SLC17A6: variants seen among roughly 807,000 people sequenced by gnomAD.
SLC17A6 encodes the protein solute carrier family 17 member 6, also known as vesicular glutamate transporter 2.
Under a neutral mutation model 67.1 loss-of-function variants are expected in SLC17A6, and 35 were observed. The observed-to-expected ratio is 0.52, with a 90% CI of 0.40 to 0.69. The LOEUF (loss-of-function observed/expected upper bound fraction) is 0.69, where lower values mean the gene tolerates loss of function less well. SLC17A6 is among the 30% of genes least tolerant of loss of function. SLC17A6 has a pLI of 0.00. For synonymous variants in SLC17A6, 285 were observed against 252.3 expected (o/e 1.13, Z -1.23); for missense variants, 588 against 723.9 (o/e 0.81, Z 2.15).
At chr11:22,338,655 A>C (rs530110393) in intron 1 of SLC17A6, 36 bp downstream of exon 1, 1 of 1,505,516 alleles carries the variant, frequency 6.6e-7, no homozygotes, top group South Asian at 1.1e-5. Context: ...CCTGGGGCTC[A>C]GCATGAAAAA....
rs1403247246 is a variant in SLC17A6 at position 22,362,829 on chromosome 11, T to A, written c.748+4T>A. On this transcript the variant is annotated splice_donor_region_variant and intron_variant, in intron 6 of 11. Coordinates refer to ENST00000263160, the MANE Select transcript of SLC17A6 (RefSeq NM_020346.3). ...TCTTCAGTGTTTTATGTCTACGGTA[T>A]GTTATATTTCTATGCAATAGAGTTA... 6.2e-7 allele frequency: 1 copy of A among 1,611,532 alleles called. No homozygotes were observed. The highest frequency in any genetic ancestry group is 1.1e-5 in the South Asian group (1 of 91,028).
At chr11:22,355,155 G>A (rs1855982365) in intron 3 of SLC17A6, among the ~76,000 whole-genome samples, 1 of 152,162 alleles carries the variant, frequency 6.6e-6, no homozygotes, top group Non-Finnish European at 1.5e-5. Context: ...ATGAGGAACA[G>A]AAAGTTACAT....
chr11:22,345,823 GA>G (rs1855869584), intron 3 of SLC17A6, among the ~76,000 whole-genome samples: 1 of 151,866 alleles, frequency 6.6e-6, no homozygotes, highest in Admixed American at 6.6e-5. Context: ...ACATTAGTAA[GA>G]AAAAAATTAT....
intron 9 of SLC17A6, among the ~76,000 whole-genome samples, chr11:22,375,110 T>G (rs1367811277): frequency 1.3e-5 from 2 of 152,104 alleles, no homozygotes; most frequent in Non-Finnish European, 2.9e-5. Context: ...CGGTGGCTCA[T>G]GCCTGTAATC....
chr11:22,362,688 T>C, intron 5 of SLC17A6, 51 bp from the exon 6 acceptor site: 2 of 1,440,178 alleles, frequency 1.4e-6, no homozygotes, highest in South Asian at 1.1e-5. Context: ...ATGATATCAA[T>C]AATTTCTACT....
intron 7 of SLC17A6, among the ~76,000 whole-genome samples, chr11:22,367,922 A>G (rs1034956966): frequency 6.6e-6 from 1 of 152,188 alleles, no homozygotes; most frequent in Non-Finnish European, 1.5e-5. Context: ...TAGAACTTGC[A>G]TTTTAGTTAA....
At chr11:22,369,196 G>A (rs767463150) in intron 7 of SLC17A6, among the ~76,000 whole-genome samples, 7 of 151,982 alleles carry the variant, frequency 4.6e-5, no homozygotes, top group Non-Finnish European at 1.0e-4. Flanking sequence ...TAGGGAATAT[G>A]AGAGATATTT....
intron 8 of SLC17A6, among the ~76,000 whole-genome samples, chr11:22,372,390 A>T (rs1276405581): frequency 1.3e-5 from 2 of 150,312 alleles, no homozygotes; most frequent in African/African-American, 4.9e-5. Context: ...ACACACATAC[A>T]CATATATATA....
chr11:22,349,670 C>A (rs1240807499), intron 3 of SLC17A6, among the ~76,000 whole-genome samples: 3 of 152,170 alleles, frequency 2.0e-5, no homozygotes, highest in Non-Finnish European at 4.4e-5. Context: ...GATGCTCCTA[C>A]TGCCATATGC....
intron 8 of SLC17A6, among the ~76,000 whole-genome samples, chr11:22,373,599 G>A (rs533782536): frequency 2.2e-4 from 33 of 152,122 alleles, no homozygotes; most frequent in Admixed American, 5.2e-4. Context: ...CCTTCTCATG[G>A]CAGTGGTGCT....
chr11:22,370,219 G>T (rs1158679426), intron 8 of SLC17A6, 31 bp downstream of exon 8: 6 of 1,553,448 alleles, frequency 3.9e-6, no homozygotes, highest in Non-Finnish European at 5.2e-6. Context: ...TATAAATTGT[G>T]GATTACCTGT....
At chr11:22,344,467 G>A (rs187724242) in intron 3 of SLC17A6, among the ~76,000 whole-genome samples, 1 of 152,270 alleles carries the variant, frequency 6.6e-6, no homozygotes, top group Non-Finnish European at 1.5e-5. Context: ...AGAGTCCTCA[G>A]GGCCTGGGGA....
intron 7 of SLC17A6, among the ~76,000 whole-genome samples, chr11:22,367,079 G>A (rs571847427): frequency 3.3e-5 from 5 of 151,280 alleles, no homozygotes; most frequent in South Asian, 2.1e-4. Context: ...GGCATTAGGC[G>A]ATCTGATCAA....
chr11:22,358,598 G>A (rs879922814), intron 3 of SLC17A6, among the ~76,000 whole-genome samples: 8 of 152,300 alleles, frequency 5.3e-5, no homozygotes, highest in Admixed American at 5.2e-4. Flanking sequence ...CCGAAGAAGT[G>A]CTGGGGTTTA....
chr11:22,360,461 A>C (rs1258758226), intron 4 of SLC17A6, among the ~76,000 whole-genome samples: 2 of 151,868 alleles, frequency 1.3e-5, no homozygotes, highest in Non-Finnish European at 2.9e-5. Flanking sequence ...CATATCCTGC[A>C]CATGTACCCC....
chr11:22,367,367 A>G (rs1856125027), intron 7 of SLC17A6, among the ~76,000 whole-genome samples: 1 of 152,164 alleles, frequency 6.6e-6, no homozygotes, highest in African/African-American at 2.4e-5. Flanking sequence ...TATATAATTC[A>G]GAAGTTAAAC....
chr11:22,343,472 C>T lies in SLC17A6; in HGVS notation c.458+107C>T, dbSNP rs938447317. On this transcript the variant is annotated intron_variant, in intron 3 of 11. Coordinates refer to ENST00000263160, the MANE Select transcript of SLC17A6 (RefSeq NM_020346.3). ...CAGCCCAGAGGGGTTTGAGGACTCC[C>T]GGGCGAAGTCTTCTAGTCCCTTGAC... 5.7e-6 allele frequency: 5 copies of T among 883,326 alleles called. No homozygotes were observed. The Admixed American group carries it at 7.7e-5, about 14-fold the overall frequency. 54.7% of individuals were successfully genotyped at this position (883,326 alleles called of 1,614,324 possible).
chr11:22,345,831 T>C (rs751631570), intron 3 of SLC17A6, among the ~76,000 whole-genome samples: 5 of 151,994 alleles, frequency 3.3e-5, no homozygotes, highest in Admixed American at 6.6e-5. Context: ...AAGAAAAAAA[T>C]TATAAAAATG....
chr11:22,379,004 G>C lies in SLC17A6; in HGVS notation c.*1264G>C, dbSNP rs534428615. 2 of 152,460 alleles carry C rather than the reference G, an allele frequency of 1.3e-5. No homozygotes were observed. Among genetic ancestry groups the C allele is most frequent in the African/African-American group, 4.8e-5 (2 of 41,410 alleles). 9.4% of individuals were successfully genotyped at this position (152,460 alleles called of 1,614,324 possible). On this transcript the variant is annotated 3_prime_UTR_variant, in exon 12 of 12. Coordinates refer to ENST00000263160, the MANE Select transcript of SLC17A6 (RefSeq NM_020346.3). ...ATTTTAGGTGGGGAAGAGGCATTTT[G>C]CTTGTCATTTCTTAATATAACTCAA...
Sources: allele counts gnomAD v4.1 joint callset (sites outside exome capture counted in the v4.1 genomes callset), GRCh38; gene constraint gnomAD v4.1.1; transcripts MANE v1.5; gene names NCBI Gene and HGNC (gene_info 2026-07-23, HGNC 2026-07-21).